The following LRRC4C variants were observed in gnomAD, a reference collection of about 807,000 sequenced individuals.
LRRC4C encodes leucine rich repeat containing 4C.
In LRRC4C, 5 loss-of-function variants were observed where a neutral mutation model predicts 33.6. That is an observed-to-expected ratio of 0.15 (90% CI 0.08 to 0.31). The LOEUF (loss-of-function observed/expected upper bound fraction) is 0.31, where lower values mean the gene tolerates loss of function less well. Among genes scored for constraint, LRRC4C ranks in the 10% least tolerant of loss-of-function variants. LRRC4C has a pLI of 1.00. For synonymous variants in LRRC4C, 329 were observed against 302.0 expected, an observed-to-expected ratio of 1.09 and a Z score of -0.93; for missense variants, 560 against 796.7, an observed-to-expected ratio of 0.70 and a Z score of 3.58.
At chr11:41,024,529 A>G (rs935045062) in intron 1 of LRRC4C, among the ~76,000 whole-genome samples, 1 of 151,728 alleles carries the variant, frequency 6.6e-6, no homozygotes, top group African/African-American at 2.4e-5. Flanking sequence ...ATCTACAGAC[A>G]TCATTGAGGT....
intron 1 of LRRC4C, among the ~76,000 whole-genome samples, chr11:40,996,702 C>T (rs1048481691): frequency 2.0e-5 from 3 of 152,024 alleles, no homozygotes; most frequent in African/African-American, 4.8e-5. Flanking sequence ...GCTTCTGGTG[C>T]GGGCCTTAGG....
At chr11:40,865,479 C>T (rs1025847278) in intron 2 of LRRC4C, among the ~76,000 whole-genome samples, 5 of 149,904 alleles carry the variant, frequency 3.3e-5, no homozygotes, top group Non-Finnish European at 5.9e-5. Context: ...AAGGCATATG[C>T]TCATTAGTCA....
intron 3 of LRRC4C, among the ~76,000 whole-genome samples, chr11:40,610,302 T>C (rs1961074717): frequency 6.7e-6 from 1 of 150,346 alleles, no homozygotes; most frequent in Admixed American, 6.6e-5. Context: ...CTAAATAGAG[T>C]TGACAAAATT....
rs11036264 is a variant in LRRC4C, at chr11:41,166,009, C to T, written c.-495-232286G>A. 5.8e-3 allele frequency among the ~76,000 whole-genome samples: 847 copies of T among 146,498 alleles called. 5 individuals carry two copies. The highest frequency in any genetic ancestry group is 0.019 in the African/African-American group (769 of 39,452). On this transcript the variant is annotated intron_variant, in intron 1 of 6. Coordinates refer to ENST00000528697, the MANE Select transcript of LRRC4C (RefSeq NM_001258419.2). ...TCGTGCCATTGCACTCCAGCCTCGG[C>T]AACAAGAGCGAAATTCTGTCAAAAA... is the stretch of plus-strand genomic sequence containing the variant.
At chr11:41,333,007 G>T (rs1951342683) in intron 1 of LRRC4C, among the ~76,000 whole-genome samples, 1 of 151,968 alleles carries the variant, frequency 6.6e-6, no homozygotes, top group Admixed American at 6.6e-5. Flanking sequence ...AGAGAAAAAA[G>T]AAGACAAAAT....
At chr11:40,685,762 G>C (rs1448513391) in intron 2 of LRRC4C, among the ~76,000 whole-genome samples, 2 of 151,752 alleles carry the variant, frequency 1.3e-5, no homozygotes, top group African/African-American at 4.8e-5. Flanking sequence ...GTACACATAA[G>C]AGTTAAAAGA....
intron 3 of LRRC4C, among the ~76,000 whole-genome samples, chr11:40,322,580 T>A (rs1945905372): frequency 6.6e-6 from 1 of 152,076 alleles, no homozygotes; most frequent in South Asian, 2.1e-4. Flanking sequence ...AATGTGTCAA[T>A]CACACTGGGC....
intron 3 of LRRC4C, among the ~76,000 whole-genome samples, chr11:40,509,588 G>T (rs1364265274): frequency 6.6e-6 from 1 of 151,646 alleles, no homozygotes; most frequent in Non-Finnish European, 1.5e-5. Flanking sequence ...TATGTTTTCG[G>T]GACTGCCTTC....
chr11:41,184,255 G>T (rs551251081), intron 1 of LRRC4C, among the ~76,000 whole-genome samples: 6 of 147,850 alleles, frequency 4.1e-5, no homozygotes, highest in East Asian at 2.0e-4. Context: ...CAGAAAATGC[G>T]TTTTTTTTTT....
chr11:41,345,608 C>G (rs1951778422), intron 1 of LRRC4C, among the ~76,000 whole-genome samples: 1 of 152,076 alleles, frequency 6.6e-6, no homozygotes, highest in Non-Finnish European at 1.5e-5. Context: ...TTTTAAGAAT[C>G]AAAATAGGTA....
chr11:41,184,733 G>A (rs771441136), intron 1 of LRRC4C, among the ~76,000 whole-genome samples: 41 of 149,540 alleles, frequency 2.7e-4, no homozygotes, highest in South Asian at 8.4e-4. Context: ...TTTCAGCAAC[G>A]TCCCACTTTA....
At chr11:40,690,944 C>A (rs1297001678) in intron 2 of LRRC4C, among the ~76,000 whole-genome samples, 1 of 151,902 alleles carries the variant, frequency 6.6e-6, no homozygotes, top group Non-Finnish European at 1.5e-5. Context: ...AGAGACCAAG[C>A]AAGAAGCAGT....
chr11:40,777,967 C>A (rs987319364), intron 2 of LRRC4C, among the ~76,000 whole-genome samples: 13 of 152,148 alleles, frequency 8.5e-5, no homozygotes, highest in Admixed American at 2.0e-4. Flanking sequence ...GGATTACAGG[C>A]ATGAGCCACC....
At chr11:40,215,164 GA>G (rs1015083108) in intron 5 of LRRC4C, among the ~76,000 whole-genome samples, 1 of 152,046 alleles carries the variant, frequency 6.6e-6, no homozygotes, top group African/African-American at 2.4e-5. Flanking sequence ...TCCCAATTTT[GA>G]GTCTAATTTT....
At chr11:40,878,763 T>G (rs2136001904) in intron 2 of LRRC4C, among the ~76,000 whole-genome samples, 1 of 152,348 alleles carries the variant, frequency 6.6e-6, no homozygotes, top group Non-Finnish European at 1.5e-5. Flanking sequence ...TATATCAGAT[T>G]ATTAGCACTG....
At chr11:40,454,890 G>A (rs1337102229) in intron 3 of LRRC4C, among the ~76,000 whole-genome samples, 1 of 152,042 alleles carries the variant, frequency 6.6e-6, no homozygotes, top group East Asian at 1.9e-4. Flanking sequence ...GTTTTTATCA[G>A]TAATAAAGCT....
chr11:40,221,250 A>G (rs1363956413), intron 5 of LRRC4C, among the ~76,000 whole-genome samples: 1 of 152,118 alleles, frequency 6.6e-6, no homozygotes. Context: ...CACATGTTCA[A>G]CTGTTTTTAC....
intron 5 of LRRC4C, among the ~76,000 whole-genome samples, chr11:40,158,630 G>A (rs902127111): frequency 6.6e-6 from 1 of 150,742 alleles, no homozygotes. Context: ...CAAGGATGAA[G>A]AGAGGGGCTG....
intron 3 of LRRC4C, among the ~76,000 whole-genome samples, chr11:40,616,332 C>T (rs1961824836): frequency 6.6e-6 from 1 of 151,962 alleles, no homozygotes; most frequent in African/African-American, 2.4e-5. Context: ...CTAGTTCAAC[C>T]ATTGTGGAAG....
Sources: gnomAD v4.1 joint callset for allele counts (sites outside exome capture counted in the v4.1 genomes callset) on GRCh38, gnomAD v4.1.1 for gene constraint, MANE v1.5 for transcripts, NCBI Gene and HGNC (gene_info 2026-07-23, HGNC 2026-07-21) for gene names.